Variants in SCAF8 observed in about 807,000 individuals in gnomAD.
SCAF8 encodes SR-related CTD associated factor 8.
In SCAF8, 23 loss-of-function variants were observed where a neutral mutation model predicts 140.5. The ratio of observed to expected loss-of-function variants is 0.16; its 90% CI spans 0.12 to 0.23. The LOEUF is 0.23. SCAF8 is among the 10% of genes least tolerant of loss of function. The pLI, the probability that SCAF8 is intolerant of heterozygous loss-of-function variation, is 1.00. For synonymous variants in SCAF8, 575 were observed against 528.9 expected, an observed-to-expected ratio of 1.09 and a Z score of -1.20; for missense variants, 1,397 against 1,555.7, an observed-to-expected ratio of 0.90 and a Z score of 1.72.
intron 18 of SCAF8, among the ~76,000 whole-genome samples, chr6:154,827,595 C>T (rs778163092): frequency 2.0e-5 from 3 of 152,090 alleles, no homozygotes; most frequent in Admixed American, 6.5e-5. Flanking sequence ...ACAGTTCATT[C>T]TGTATATAAG....
At chr6:154,779,192 C>T (rs1363341640) in intron 3 of SCAF8, among the ~76,000 whole-genome samples, 1 of 152,048 alleles carries the variant, frequency 6.6e-6, no homozygotes, top group Non-Finnish European at 1.5e-5. Context: ...GCCACCACGC[C>T]CAGCTAATTT....
chr6:154,815,882 C>A, intron 13 of SCAF8, 66 bp downstream of exon 13: 3 of 882,362 alleles, frequency 3.4e-6, no homozygotes, highest in Non-Finnish European at 5.5e-6. Context: ...CAAAGAATCA[C>A]TTCTGTTCCT....
intron 18 of SCAF8, among the ~76,000 whole-genome samples, chr6:154,828,084 G>A (rs1410788777): frequency 6.6e-6 from 1 of 152,112 alleles, no homozygotes; most frequent in Non-Finnish European, 1.5e-5. Flanking sequence ...CCCTTTTAAT[G>A]ATGTTAAGAT....
intron 3 of SCAF8, among the ~76,000 whole-genome samples, chr6:154,778,617 T>C (rs951135322): frequency 5.3e-5 from 8 of 151,950 alleles, no homozygotes; most frequent in Non-Finnish European, 1.0e-4. Flanking sequence ...GTACAAAAAT[T>C]AGCTGACCTG....
intron 3 of SCAF8, among the ~76,000 whole-genome samples, chr6:154,783,729 C>T (rs896068086): frequency 2.0e-5 from 3 of 152,110 alleles, no homozygotes; most frequent in African/African-American, 7.2e-5. Flanking sequence ...AACATTTATT[C>T]TTCTCTTTGA....
At chr6:154,827,136 C>G (rs1480798119) in intron 17 of SCAF8, 36 bp from the exon 18 acceptor site, 2 of 1,543,422 alleles carry the variant, frequency 1.3e-6, no homozygotes, top group East Asian at 2.3e-5. Context: ...AGTAATTTTT[C>G]TTGTGCTATT....
In SCAF8 at chr6:154,820,361, T is replaced by A. The variant is rs565979379; in HGVS notation, c.1792+28T>A. ...AAGAATTCTAAGGTCTTTTTATTGTTAAAAAAAAGTATGCTTAGAAGGTTG... is the reference window on the plus strand; with the variant it reads ...AAGAATTCTAAGGTCTTTTTATTGTAAAAAAAAAGTATGCTTAGAAGGTTG... On this transcript the variant is annotated intron_variant, in intron 15 of 19. Coordinates refer to ENST00000367178, the MANE Select transcript of SCAF8 (RefSeq NM_014892.5). 2.6e-5 allele frequency: 40 copies of A among 1,566,584 alleles called. 2 individuals are homozygous for A. The South Asian group carries it at 4.1e-4, about 16-fold the overall frequency.
In SCAF8 at chr6:154,831,703, TAAAAAAAAAAAAAAAAA is replaced by T. The variant is rs58013583; in HGVS notation, c.2360-213_2360-197del. On this transcript the variant is annotated intron_variant, in intron 19 of 19. Transcript: ENST00000367178. ...CCTTTTAAACCTCCACTCCTGTTCT[TAAAAAAAAAAAAAAAAA>T]AAAAAAAAAAAAAAAAAAAAAAGAA... 9.6e-3 allele frequency among the ~76,000 whole-genome samples: 461 copies of T among 48,086 alleles called. 7 individuals are homozygous for T. Among genetic ancestry groups the T allele is most frequent in the Middle Eastern group, 0.016 (1 of 62 alleles). 31.5% of individuals were successfully genotyped at this position (48,086 alleles called of 152,430 possible). A position where few individuals can be genotyped will look rare whatever the true frequency, so the allele number is the denominator to read the frequency against.
chr6:154,784,789 G>A (rs1777203221), intron 3 of SCAF8, among the ~76,000 whole-genome samples: 1 of 152,180 alleles, frequency 6.6e-6, no homozygotes, highest in Non-Finnish European at 1.5e-5. Flanking sequence ...ATCCCCCAAG[G>A]CTACTGAAGG....
At chr6:154,830,838 A>C in intron 18 of SCAF8, 84 bp from the exon 19 acceptor site, 1 of 974,994 alleles carries the variant, frequency 1.0e-6, no homozygotes. Context: ...AGATGCCATT[A>C]AATTAAATAC....
At chr6:154,789,682 A>G (rs534284883) in intron 4 of SCAF8, among the ~76,000 whole-genome samples, 47 of 151,550 alleles carry the variant, frequency 3.1e-4, no homozygotes, top group African/African-American at 1.1e-3. Flanking sequence ...AGTAGCTGGG[A>G]CTACAGGCTT....
chr6:154,783,530 T>C (rs1224434351), intron 3 of SCAF8, among the ~76,000 whole-genome samples: 1 of 152,194 alleles, frequency 6.6e-6, no homozygotes, highest in Admixed American at 6.5e-5. Flanking sequence ...ATGTGGCTTA[T>C]TTGTGGTGAT....
At chr6:154,808,273 A>G (rs1777981575) in intron 10 of SCAF8, 72 bp downstream of exon 10, 2 of 1,376,522 alleles carry the variant, frequency 1.5e-6, no homozygotes, top group Admixed American at 1.8e-5. Context: ...ATTTTATACT[A>G]GCAGTGCCCT....
chr6:154,750,252 T>C (rs919038391), intron 1 of SCAF8, among the ~76,000 whole-genome samples: 6 of 152,238 alleles, frequency 3.9e-5, no homozygotes, highest in Non-Finnish European at 5.9e-5. Context: ...TACAGTAGTT[T>C]GTACATCTTG....
chr6:154,829,117 C>T (rs951308685), intron 18 of SCAF8, among the ~76,000 whole-genome samples: 9 of 152,154 alleles, frequency 5.9e-5, no homozygotes, highest in African/African-American at 1.4e-4. Context: ...GACAAACCTG[C>T]ACATGTACCC....
chr6:154,742,056 GA>G, intron 1 of SCAF8: 1 of 1,373,518 alleles, frequency 7.3e-7, no homozygotes, highest in Non-Finnish European at 1.0e-6. Context: ...AGGCCCTTTG[GA>G]ATATGTTAGG....
chr6:154,773,911 A>G lies in SCAF8; in HGVS notation c.31-78A>G, dbSNP rs1006510690. 6.5e-6 allele frequency: 6 copies of G among 919,680 alleles called. No individual in the cohort carries two copies. In the Admixed American group the frequency reaches 8.1e-5, roughly 12 times the overall value. The allele number at this position is 919,680 out of a possible 1,614,324, so 57.0% of individuals were successfully genotyped here. ...AGTATGTTGGTTTCATTGAGAATAT[A>G]AAAATGAACATGTTTGGTAGTTTCA... On this transcript the variant is annotated intron_variant, in intron 1 of 19. Transcript: ENST00000367178.
intron 18 of SCAF8, among the ~76,000 whole-genome samples, chr6:154,828,860 C>T (rs1778646230): frequency 6.6e-6 from 1 of 152,138 alleles, no homozygotes; most frequent in East Asian, 1.9e-4. Flanking sequence ...TTTATATTTG[C>T]TTGTGTTCTC....
chr6:154,741,788 C>T (rs1358200432), intron 1 of SCAF8, among the ~76,000 whole-genome samples: 1 of 152,210 alleles, frequency 6.6e-6, no homozygotes, highest in African/African-American at 2.4e-5. Context: ...TTTCAGATAT[C>T]TCTTTCTAAG....
Sources: gnomAD v4.1 joint callset for allele counts (sites outside exome capture counted in the v4.1 genomes callset) on GRCh38, gnomAD v4.1.1 for gene constraint, MANE v1.5 for transcripts, NCBI Gene and HGNC (gene_info 2026-07-23, HGNC 2026-07-21) for gene names.